The following OR11A1 variants were observed in gnomAD, a reference collection of about 807,000 sequenced individuals.
The protein encoded by OR11A1 is olfactory receptor family 11 subfamily A member 1.
For missense variants in OR11A1, 380 were observed against 378.2 expected, an observed-to-expected ratio of 1.00 and a Z score of -0.04; for synonymous variants, 158 against 152.2, an observed-to-expected ratio of 1.04 and a Z score of -0.28.
chr6:29,430,313 T>A lies in OR11A1; in HGVS notation c.-152A>T. The A allele has an allele frequency of 1.0e-6, 1 of 985,434 alleles. No homozygotes were observed. Among genetic ancestry groups the A allele is most frequent in the South Asian group, 4.7e-5 (1 of 21,290 alleles). The allele number at this position is 985,434 out of a possible 1,614,324, so 61.0% of individuals were successfully genotyped here. On this transcript the variant is annotated 5_prime_UTR_variant, in exon 3 of 5. The change abolishes an upstream ATG in the 5' untranslated region. Coordinates refer to ENST00000377149, the MANE Select transcript of OR11A1 (RefSeq NM_001394828.1). ...GCTATTCTCTTACCCTTTGATCCCATCTGCATTTCCTTGTGAGTGAATCTG... is the reference window on the plus strand; with the variant it reads ...GCTATTCTCTTACCCTTTGATCCCAACTGCATTTCCTTGTGAGTGAATCTG...
At chr6:29,454,557 GT>G (rs1561835512) in intron 1 of OR11A1, among the ~76,000 whole-genome samples, 2 of 152,036 alleles carry the variant, frequency 1.3e-5, no homozygotes, top group Non-Finnish European at 1.5e-5. Flanking sequence ...AATTTGGCAG[GT>G]TTTTTATAAA....
chr6:29,429,744 T>A (rs7349908), intron 3 of OR11A1, among the ~76,000 whole-genome samples: 33,234 of 151,800 alleles, frequency 0.22, 4,095 homozygotes, highest in Non-Finnish European at 0.28. Flanking sequence ...GCTCAAACAA[T>A]CCCCTCGATT....
At chr6:29,435,890 A>C (rs777520502) in intron 1 of OR11A1, among the ~76,000 whole-genome samples, 18 of 152,248 alleles carry the variant, frequency 1.2e-4, no homozygotes, top group Non-Finnish European at 2.6e-4. Context: ...GTAGCAATGC[A>C]TGAATGCATG....
At chr6:29,433,675 A>G (rs1477579027) in intron 1 of OR11A1, among the ~76,000 whole-genome samples, 1 of 140,748 alleles carries the variant, frequency 7.1e-6, no homozygotes, top group East Asian at 2.1e-4. Context: ...TTTCCTTTGA[A>G]TATATACACA....
In OR11A1 at chr6:29,426,111, A is replaced by G. The variant is rs1048288518; in HGVS notation, c.*583T>C. ...ATAGAAAGAAATTTTTAAATGTCAT[A>G]CAACAATAATATAAAAAACAATATT... On this transcript the variant is annotated 3_prime_UTR_variant, in exon 5 of 5. Coordinates refer to ENST00000377149, the MANE Select transcript of OR11A1 (RefSeq NM_001394828.1). 1.3e-5 allele frequency: 2 copies of G among 152,612 alleles called. No homozygotes were observed. Among genetic ancestry groups the G allele is most frequent in the East Asian group, 3.8e-4 (2 of 5,204 alleles). The allele number at this position is 152,612 out of a possible 1,614,324, so 9.5% of individuals were successfully genotyped here.
intron 1 of OR11A1, among the ~76,000 whole-genome samples, chr6:29,454,874 T>C (rs1785866317): frequency 6.6e-6 from 1 of 150,698 alleles, no homozygotes; most frequent in Non-Finnish European, 1.5e-5. Flanking sequence ...ACCATTATGA[T>C]TTGTTTAAAA....
intron 1 of OR11A1, chr6:29,439,957 A>G: frequency 1.5e-6 from 2 of 1,357,128 alleles, no homozygotes; most frequent in Non-Finnish European, 2.1e-6. Flanking sequence ...TCACGATTCC[A>G]TAGTTGTGAT....
chr6:29,426,884 T>C lies in OR11A1; in HGVS notation c.758A>G (p.Tyr253Cys), dbSNP rs765772732. Residue 253 changes from tyrosine to cysteine, a missense_variant, in exon 5 of 5, where the codon TAT (tyrosine) becomes TGT (cysteine). Physicochemically the swap from Tyr to Cys is radical, Grantham distance 194. Coordinates refer to ENST00000377149, the MANE Select transcript of OR11A1 (RefSeq NM_001394828.1). ...AACATAAAAGATCATGAGCGTTCCATAGAATGTGGTCACTACAGCTAGGTG... is the reference window on the plus strand; with the variant it reads ...AACATAAAAGATCATGAGCGTTCCACAGAATGTGGTCACTACAGCTAGGTG... ...SSHLAVVTTF[Y>C]GTLMIFYVAP... is the part of the protein sequence containing the mutation. 3.7e-6 allele frequency: 6 copies of C among 1,613,070 alleles called. No homozygotes were observed. Among genetic ancestry groups the C allele is most frequent in the Admixed American group, 1.7e-5 (1 of 60,014 alleles).
chr6:29,452,323 A>T (rs1027468632), intron 1 of OR11A1, among the ~76,000 whole-genome samples: 1 of 152,134 alleles, frequency 6.6e-6, no homozygotes, highest in African/African-American at 2.4e-5. Context: ...GCCCCTTGAA[A>T]CTAAAATAAA....
intron 2 of OR11A1, among the ~76,000 whole-genome samples, chr6:29,431,512 G>T (rs1433486043): frequency 6.6e-6 from 1 of 152,156 alleles, no homozygotes; most frequent in African/African-American, 2.4e-5. Flanking sequence ...GTATGAGGGT[G>T]TCTCGCTTCT....
chr6:29,443,847 T>C (rs560594331), intron 1 of OR11A1, among the ~76,000 whole-genome samples: 2 of 152,196 alleles, frequency 1.3e-5, no homozygotes, highest in South Asian at 4.1e-4. Flanking sequence ...TCACTTGCTG[T>C]TGTTGTTGTT....
chr6:29,443,174 TAA>T (rs1784376085), intron 1 of OR11A1, among the ~76,000 whole-genome samples: 1 of 152,202 alleles, frequency 6.6e-6, no homozygotes. Context: ...TGCAATTTGA[TAA>T]GTTTTGACCC....
chr6:29,440,204 C>T (rs1400929553), intron 1 of OR11A1: 1 of 1,613,914 alleles, frequency 6.2e-7, no homozygotes, highest in South Asian at 1.1e-5. Flanking sequence ...TCTTCCTGCG[C>T]ACCCTCTCGG....
intron 1 of OR11A1, among the ~76,000 whole-genome samples, chr6:29,442,533 A>G (rs544312851): frequency 2.0e-5 from 3 of 152,356 alleles, no homozygotes; most frequent in South Asian, 4.1e-4. Context: ...TATCAAGTAC[A>G]TACAGGGTGG....
At chr6:29,430,124 T>C (rs1402863351) in intron 3 of OR11A1, among the ~76,000 whole-genome samples, 177 bp downstream of exon 3, 1 of 152,252 alleles carries the variant, frequency 6.6e-6, no homozygotes, top group African/African-American at 2.4e-5. Flanking sequence ...AGTGCTACTG[T>C]ACCGAAGTCT....
chr6:29,440,744 C>A (rs767613736), intron 1 of OR11A1: 1 of 1,614,072 alleles, frequency 6.2e-7, no homozygotes, highest in South Asian at 1.1e-5. Context: ...GCTCCTCCCA[C>A]CTGATCATGG....
At chr6:29,440,452 C>T in intron 1 of OR11A1, 2 of 1,614,010 alleles carry the variant, frequency 1.2e-6, no homozygotes, top group South Asian at 2.2e-5. Context: ...CTAGCTGGGT[C>T]GGCGTGGGCC....
At chr6:29,440,227 G>T (rs769481312) in intron 1 of OR11A1, 1 of 1,613,894 alleles carries the variant, frequency 6.2e-7, no homozygotes, top group Non-Finnish European at 8.5e-7. Flanking sequence ...TTGGAGATTG[G>T]CTATACGTCT....
In OR11A1 at chr6:29,453,728, T is replaced by C. The variant is rs1785708710; in HGVS notation, c.-389+3259A>G. 6.6e-6 allele frequency among the ~76,000 whole-genome samples: 1 copy of C among 152,182 alleles called. No homozygotes were observed. The highest frequency in any genetic ancestry group is 1.5e-5 in the Non-Finnish European group (1 of 68,014). On this transcript the variant is annotated intron_variant, in intron 1 of 4. Coordinates refer to ENST00000377149, the MANE Select transcript of OR11A1 (RefSeq NM_001394828.1). This position sits in a 1 kb window ranked among gnomAD's most constrained non-coding sequence, Gnocchi z 4.5. Reference sequence around the variant, plus strand: ...ATTAGATAAGATCTCTACACATTCCTGGCTGACTGGGAAACTACAGGTATG... The same window carrying C: ...ATTAGATAAGATCTCTACACATTCCCGGCTGACTGGGAAACTACAGGTATG...
Sources: allele counts gnomAD v4.1 joint callset (sites outside exome capture counted in the v4.1 genomes callset), GRCh38; gene constraint gnomAD v4.1.1; non-coding constraint Gnocchi (gnomAD v3.1); transcripts MANE v1.5; gene names NCBI Gene and HGNC (gene_info 2026-07-23, HGNC 2026-07-21).